CTNNA3: variants seen among roughly 807,000 people sequenced by gnomAD.
The protein encoded by CTNNA3 is catenin alpha-3.
A neutral mutation model predicts 95.7 loss-of-function variants in CTNNA3; 76 were observed. That is an observed-to-expected ratio of 0.79 (90% CI 0.66 to 0.96). CTNNA3 has a LOEUF of 0.96. Among genes scored for constraint, CTNNA3 ranks in the 40% least tolerant of loss-of-function variants. The pLI is 0.00. For missense variants in CTNNA3, 1,191 were observed against 1,089.8 expected, an observed-to-expected ratio of 1.09 and a Z score of -1.31; for synonymous variants, 431 against 374.4, an observed-to-expected ratio of 1.15 and a Z score of -1.74.
chr10:66,500,009 G>T (rs565334965), intron 11 of CTNNA3, among the ~76,000 whole-genome samples: 1 of 151,942 alleles, frequency 6.6e-6, no homozygotes, highest in South Asian at 2.1e-4. Flanking sequence ...CACCATGTTG[G>T]CCAGGCTTGT....
intron 4 of CTNNA3, among the ~76,000 whole-genome samples, chr10:67,534,656 G>T (rs184666380): frequency 1.3e-3 from 205 of 152,270 alleles, no homozygotes; most frequent in African/African-American, 4.8e-3. Flanking sequence ...GCTCTGGTAG[G>T]TTGGAGAATG....
At chr10:67,106,792 G>T (rs1399180897) in intron 7 of CTNNA3, among the ~76,000 whole-genome samples, 4 of 152,094 alleles carry the variant, frequency 2.6e-5, no homozygotes, top group Non-Finnish European at 5.9e-5. Context: ...GGCTATCACT[G>T]AAGACATTTT....
chr10:66,927,590 T>C lies in CTNNA3; in HGVS notation c.1048-152066A>G. 6.2e-7 allele frequency: 1 copy of C among 1,614,174 alleles called. No homozygotes were observed. The highest frequency in any genetic ancestry group is 8.5e-7 in the Non-Finnish European group (1 of 1,180,030). On this transcript the variant is annotated intron_variant, in intron 7 of 17. Coordinates refer to ENST00000433211, the MANE Select transcript of CTNNA3 (RefSeq NM_013266.4). This position sits in a 1 kb window ranked among gnomAD's most constrained non-coding sequence, Gnocchi z 4.7. ...TTTTCCAAGCTCAACCTGGCCCTTTTTCCAAGGTTGGTCAGCCTTCAGAAC... is the reference window on the plus strand; with the variant it reads ...TTTTCCAAGCTCAACCTGGCCCTTTCTCCAAGGTTGGTCAGCCTTCAGAAC...
intron 7 of CTNNA3, among the ~76,000 whole-genome samples, chr10:67,039,961 C>T (rs192710752): frequency 2.6e-5 from 4 of 152,230 alleles, no homozygotes; most frequent in African/African-American, 9.6e-5. Flanking sequence ...TATTAGCTGT[C>T]TGGGGGTTAC....
At chr10:66,748,139 T>C (rs1393350335) in intron 9 of CTNNA3, among the ~76,000 whole-genome samples, 1 of 152,140 alleles carries the variant, frequency 6.6e-6, no homozygotes. Context: ...GGAATCTAAC[T>C]GCAAAGGGGC....
rs1178569535 is a variant in CTNNA3, at chr10:66,235,497, ATTG to A, written c.1884+44970_1884+44972del. Among the ~76,000 whole-genome samples, 139 of 152,044 alleles carry A rather than the reference ATTG, an allele frequency of 9.1e-4. 1 individual carries two copies. The highest frequency in any genetic ancestry group is 3.9e-3 in the South Asian group (19 of 4,830). On this transcript the variant is annotated intron_variant, in intron 13 of 17. Transcript: ENST00000433211. The stretch of plus-strand genomic sequence containing the variant: ...TAAAATAATTATTTTATTAATCATC[ATTG>A]TTATTTAAAATAACCACATATAATC...
intron 13 of CTNNA3, among the ~76,000 whole-genome samples, chr10:66,180,343 T>C (rs1014658039): frequency 2.0e-5 from 3 of 152,080 alleles, no homozygotes; most frequent in Non-Finnish European, 4.4e-5. Context: ...GGTAGGAAGC[T>C]GGATAAAGAT....
At chr10:66,639,278 A>G (rs571598174) in intron 9 of CTNNA3, among the ~76,000 whole-genome samples, 1 of 152,282 alleles carries the variant, frequency 6.6e-6, no homozygotes, top group African/African-American at 2.4e-5. Flanking sequence ...ATAGTTTTGA[A>G]AAAAACATTT....
chr10:66,840,372 T>TCACACA (rs138947952), intron 7 of CTNNA3, among the ~76,000 whole-genome samples: 12 of 71,376 alleles, frequency 1.7e-4, no homozygotes, highest in Admixed American at 4.3e-4. Flanking sequence ...TCTCTCTCTC[T>TCACACA]CACACACACA....
intron 16 of CTNNA3, among the ~76,000 whole-genome samples, chr10:65,988,460 T>C (rs1233773627): frequency 1.3e-5 from 2 of 152,186 alleles, no homozygotes; most frequent in Non-Finnish European, 2.9e-5. Context: ...GAAGAGCTGA[T>C]ACTAGAAATA....
At chr10:66,453,105 T>C (rs2093475328) in intron 11 of CTNNA3, among the ~76,000 whole-genome samples, 1 of 151,882 alleles carries the variant, frequency 6.6e-6, no homozygotes, top group African/African-American at 2.4e-5. Flanking sequence ...TAGTCCCAGC[T>C]GCTTGGGAAG....
At chr10:66,926,147 G>T in intron 7 of CTNNA3, 1 of 460,484 alleles carries the variant, frequency 2.2e-6, no homozygotes, top group Non-Finnish European at 4.4e-6. Flanking sequence ...GCTGAACTGG[G>T]TGCTCATCAC....
chr10:66,247,114 G>T (rs1256744080), intron 13 of CTNNA3, among the ~76,000 whole-genome samples: 2 of 151,116 alleles, frequency 1.3e-5, no homozygotes, highest in African/African-American at 4.9e-5. Context: ...CACAACCAGA[G>T]GAGATAAATG....
At chr10:66,472,493 A>G (rs1911296) in intron 11 of CTNNA3, among the ~76,000 whole-genome samples, 22,866 of 151,938 alleles carry the variant, frequency 0.15, 3,596 homozygotes, top group East Asian at 0.77. Flanking sequence ...TTCTCATTTT[A>G]TTTTAGAGAT....
chr10:66,708,968 C>T (rs1017178121), intron 9 of CTNNA3, among the ~76,000 whole-genome samples: 9 of 151,962 alleles, frequency 5.9e-5, no homozygotes, highest in African/African-American at 2.2e-4. Context: ...CTCCAGTGAG[C>T]TTTTATTCTA....
chr10:67,634,590 T>C (rs1223069775), intron 2 of CTNNA3, among the ~76,000 whole-genome samples: 1 of 152,032 alleles, frequency 6.6e-6, no homozygotes, highest in Non-Finnish European at 1.5e-5. Flanking sequence ...CCATCTCACA[T>C]GCAAAGACAC....
intron 5 of CTNNA3, among the ~76,000 whole-genome samples, chr10:67,245,670 C>G (rs1008231650): frequency 6.6e-6 from 1 of 151,880 alleles, no homozygotes; most frequent in Admixed American, 6.6e-5. Context: ...CCATCCTGGC[C>G]AACATTGTGA....
intron 12 of CTNNA3, among the ~76,000 whole-genome samples, chr10:66,303,858 G>A (rs2091898269): frequency 6.6e-6 from 1 of 152,086 alleles, no homozygotes; most frequent in African/African-American, 2.4e-5. Flanking sequence ...CTCCCAAAGT[G>A]CTGGGATATA....
intron 13 of CTNNA3, among the ~76,000 whole-genome samples, chr10:66,129,830 T>A (rs1326088629): frequency 6.6e-6 from 1 of 151,870 alleles, no homozygotes; most frequent in African/African-American, 2.4e-5. Flanking sequence ...GAACACACCA[T>A]AGGCACCCCC....
Sources: gnomAD v4.1 joint callset for allele counts (sites outside exome capture counted in the v4.1 genomes callset) on GRCh38, gnomAD v4.1.1 for gene constraint, Gnocchi (gnomAD v3.1) non-coding constraint, MANE v1.5 for transcripts, NCBI Gene and HGNC (gene_info 2026-07-23, HGNC 2026-07-21) for gene names.